Variants in PRKCE observed in about 807,000 individuals in gnomAD.
PRKCE encodes the protein protein kinase C epsilon.
In PRKCE, 16 loss-of-function variants were observed where a neutral mutation model predicts 85.4. The ratio of observed to expected loss-of-function variants is 0.19; its 90% CI spans 0.13 to 0.28. The LOEUF (loss-of-function observed/expected upper bound fraction) is 0.28, where lower values mean the gene tolerates loss of function less well. PRKCE is among the 10% of genes least tolerant of loss of function. PRKCE has a pLI of 1.00. For synonymous variants in PRKCE, 388 were observed against 371.5 expected (o/e 1.04, Z -0.51); for missense variants, 573 against 975.2 (o/e 0.59, Z 5.49).
chr2:45,775,040 G>T (rs1243310128), intron 1 of PRKCE, among the ~76,000 whole-genome samples: 1 of 152,156 alleles, frequency 6.6e-6, no homozygotes, highest in African/African-American at 2.4e-5. Context: ...TCCTCCCCAC[G>T]GTTGAATTGG....
At chr2:45,819,760 G>A (rs1380006722) in intron 1 of PRKCE, among the ~76,000 whole-genome samples, 1 of 152,224 alleles carries the variant, frequency 6.6e-6, no homozygotes, top group African/African-American at 2.4e-5. Context: ...GAAACCCATG[G>A]TGGTGCTCTG....
intron 2 of PRKCE, among the ~76,000 whole-genome samples, chr2:45,950,647 G>A (rs540273332): frequency 3.3e-5 from 5 of 152,238 alleles, no homozygotes; most frequent in Admixed American, 6.5e-5. Flanking sequence ...CAGGCCAAGT[G>A]TCTAATAAGC....
Position 46,159,767 on chromosome 2 carries a change from G to A in PRKCE, c.2067+15G>A, listed in dbSNP as rs776325752. ...AACCACGCATTGTAAGTTGGTCCCC[G>A]TGCACGTTCAGCACCATGGGTCGGG... On this transcript the variant is annotated intron_variant, in intron 14 of 14. Coordinates refer to ENST00000306156, the MANE Select transcript of PRKCE (RefSeq NM_005400.3). The surrounding 1 kb of genome is among the most constrained non-coding windows in gnomAD (Gnocchi z 4.1). 3.3e-5 allele frequency: 53 copies of A among 1,599,022 alleles called. No individual in the cohort carries two copies. In the East Asian group the frequency reaches 3.3e-4, roughly 10 times the overall value.
At chr2:46,014,669 A>G (rs1359843696) in intron 10 of PRKCE, among the ~76,000 whole-genome samples, 3 of 152,206 alleles carry the variant, frequency 2.0e-5, no homozygotes, top group Non-Finnish European at 4.4e-5. Context: ...TGTGCTAGAC[A>G]CTGTGCTAGA....
chr2:46,032,940 C>A (rs1707630061), intron 10 of PRKCE, among the ~76,000 whole-genome samples: 1 of 152,100 alleles, frequency 6.6e-6, no homozygotes, highest in African/African-American at 2.4e-5. Flanking sequence ...GGACTGGAAA[C>A]ACGGAGGTAT....
intron 1 of PRKCE, among the ~76,000 whole-genome samples, chr2:45,779,117 C>T (rs987410099): frequency 3.9e-5 from 6 of 152,214 alleles, no homozygotes; most frequent in African/African-American, 9.7e-5. Flanking sequence ...GATTAAGTAA[C>T]TTGGAACTTT....
chr2:45,907,923 T>C lies in PRKCE; in HGVS notation c.412+64860T>C, dbSNP rs535921558. ...ACGCCTTGTCCAGAATGATCTCCCA[T>C]GCCCCTCCCAGTTTTCACCTTCTAG... On this transcript the variant is annotated intron_variant, in intron 2 of 14. Transcript: ENST00000306156. This position sits in a 1 kb window ranked among gnomAD's most constrained non-coding sequence, Gnocchi z 4.5. Among the ~76,000 whole-genome samples the C allele has an allele frequency of 6.6e-6, 1 of 152,350 alleles. No homozygotes were observed. Among genetic ancestry groups the C allele is most frequent in the Admixed American group, 6.5e-5 (1 of 15,312 alleles).
At chr2:45,830,216 C>G (rs1173437485) in intron 1 of PRKCE, among the ~76,000 whole-genome samples, 1 of 152,016 alleles carries the variant, frequency 6.6e-6, no homozygotes, top group South Asian at 2.1e-4. Context: ...CTCTAATGGC[C>G]AGATCCCACC....
At chr2:46,052,279 T>G (rs1708903486) in intron 10 of PRKCE, among the ~76,000 whole-genome samples, 2 of 152,172 alleles carry the variant, frequency 1.3e-5, no homozygotes, top group South Asian at 4.1e-4. Flanking sequence ...CTACTAGAAC[T>G]AATAAAAGAG....
intron 2 of PRKCE, among the ~76,000 whole-genome samples, chr2:45,953,675 T>C (rs1700781388): frequency 6.6e-6 from 1 of 152,320 alleles, no homozygotes; most frequent in East Asian, 1.9e-4. Flanking sequence ...GTCACTGCTT[T>C]AAACACTGGC....
intron 2 of PRKCE, among the ~76,000 whole-genome samples, chr2:45,918,877 G>A (rs957722511): frequency 1.3e-4 from 20 of 152,236 alleles, no homozygotes; most frequent in African/African-American, 4.8e-4. Flanking sequence ...GAATGTTGCA[G>A]AGGTTGGAGG....
At chr2:45,817,884 T>C (rs1441457120) in intron 1 of PRKCE, among the ~76,000 whole-genome samples, 1 of 152,298 alleles carries the variant, frequency 6.6e-6, no homozygotes, top group Middle Eastern at 3.4e-3. Context: ...CACGTGGGCA[T>C]CTCACTGCCT....
At chr2:45,957,428 T>C (rs1193506585) in intron 2 of PRKCE, among the ~76,000 whole-genome samples, 1 of 152,240 alleles carries the variant, frequency 6.6e-6, no homozygotes. Context: ...TATGCACATA[T>C]GTGGATTAAT....
chr2:45,949,131 G>A (rs1476830699), intron 2 of PRKCE, among the ~76,000 whole-genome samples: 3 of 152,192 alleles, frequency 2.0e-5, no homozygotes, highest in South Asian at 4.1e-4. Flanking sequence ...GTATACTGAG[G>A]AAGGACCTGC....
Position 45,919,918 on chromosome 2 carries a change from G to A in PRKCE, c.413-56511G>A, listed in dbSNP as rs1422611984. ...CCAGTGTTCACTAGGTGTGGAAAAG[G>A]GTGCGTGAGTGGGTGAAGGCAGACA... On this transcript the variant is annotated intron_variant, in intron 2 of 14. Transcript: ENST00000306156. Among the ~76,000 whole-genome samples the A allele has an allele frequency of 5.3e-5, 8 of 152,232 alleles. 1 individual carries two copies. Among genetic ancestry groups the A allele is most frequent in the Admixed American group, 4.6e-4 (7 of 15,288 alleles).
At chr2:45,945,430 T>A (rs1420734503) in intron 2 of PRKCE, among the ~76,000 whole-genome samples, 1 of 152,150 alleles carries the variant, frequency 6.6e-6, no homozygotes, top group Non-Finnish European at 1.5e-5. Context: ...TAAGAACTCT[T>A]GTTATCAGGA....
chr2:45,812,108 T>C (rs1231363310), intron 1 of PRKCE, among the ~76,000 whole-genome samples: 1 of 152,222 alleles, frequency 6.6e-6, no homozygotes, highest in East Asian at 1.9e-4. Flanking sequence ...AGTATGACTT[T>C]GGGTGAGTCA....
At chr2:46,136,369 G>A (rs1189965996) in intron 11 of PRKCE, among the ~76,000 whole-genome samples, 3 of 152,202 alleles carry the variant, frequency 2.0e-5, no homozygotes, top group Non-Finnish European at 2.9e-5. Flanking sequence ...GTTTACAGAA[G>A]GAGAGTTTTC....
intron 2 of PRKCE, among the ~76,000 whole-genome samples, chr2:45,859,644 T>C (rs1692982345): frequency 6.6e-6 from 1 of 152,228 alleles, no homozygotes. Context: ...TTTTCTGTTG[T>C]TTTTGTCTAT....
Sources: gnomAD v4.1 joint callset for allele counts (sites outside exome capture counted in the v4.1 genomes callset) on GRCh38, gnomAD v4.1.1 for gene constraint, Gnocchi (gnomAD v3.1) non-coding constraint, MANE v1.5 for transcripts, NCBI Gene and HGNC (gene_info 2026-07-23, HGNC 2026-07-21) for gene names.